SLC24A2: variants seen among roughly 807,000 people sequenced by gnomAD.
SLC24A2 encodes the protein sodium/potassium/calcium exchanger 2.
A neutral mutation model predicts 62.0 loss-of-function variants in SLC24A2; 36 were observed. The observed-to-expected ratio is 0.58, with a 90% CI of 0.44 to 0.77. The LOEUF is 0.77. Among genes scored for constraint, SLC24A2 ranks in the 30% least tolerant of loss-of-function variants. SLC24A2 has a pLI of 0.00. For synonymous variants in SLC24A2, 358 were observed against 294.0 expected, an observed-to-expected ratio of 1.22 and a Z score of -2.23; for missense variants, 846 against 817.9, an observed-to-expected ratio of 1.03 and a Z score of -0.42.
At chr9:19,996,291 C>A in the SLC24A2 span, among the ~76,000 whole-genome samples, 5 of 152,108 alleles carry the variant, frequency 3.3e-5, no homozygotes, top group African/African-American at 1.2e-4. Context: ...TTTCATAAGT[C>A]CTGGGGCATG....
At chr9:19,549,237 C>G (rs142090637) in intron 8 of SLC24A2, among the ~76,000 whole-genome samples, 2 of 152,212 alleles carry the variant, frequency 1.3e-5, no homozygotes, top group Admixed American at 1.3e-4. Flanking sequence ...CTGCTTCAGA[C>G]CTTCAGTTGC....
chr9:19,917,699 G>A, the SLC24A2 span, among the ~76,000 whole-genome samples: 30 of 151,894 alleles, frequency 2.0e-4, no homozygotes, highest in African/African-American at 6.3e-4. Context: ...CTTAACAAAC[G>A]TTTCAATTTG....
chr9:19,680,255 G>C (rs1819681984), intron 2 of SLC24A2, among the ~76,000 whole-genome samples: 1 of 152,122 alleles, frequency 6.6e-6, no homozygotes, highest in African/African-American at 2.4e-5. Flanking sequence ...CCCTTCAGCT[G>C]AGTTCTGAAG....
At chr9:20,052,838 A>G in the SLC24A2 span, among the ~76,000 whole-genome samples, 1 of 152,240 alleles carries the variant, frequency 6.6e-6, no homozygotes, top group African/African-American at 2.4e-5. Flanking sequence ...GATGTTGTTT[A>G]TTCTTAGAGA....
chr9:20,011,076 G>A, the SLC24A2 span, among the ~76,000 whole-genome samples: 24 of 152,108 alleles, frequency 1.6e-4, no homozygotes, highest in South Asian at 4.1e-4. Flanking sequence ...ACATACATGT[G>A]CATGTGTCTT....
the SLC24A2 span, among the ~76,000 whole-genome samples, chr9:20,054,883 T>G: frequency 3.9e-5 from 6 of 152,366 alleles, no homozygotes; most frequent in African/African-American, 1.4e-4. Flanking sequence ...TCCACCTTCA[T>G]AATTGCATTA....
At chr9:20,048,733 C>T in the SLC24A2 span, among the ~76,000 whole-genome samples, 240 of 151,702 alleles carry the variant, frequency 1.6e-3, no homozygotes, top group African/African-American at 5.7e-3. Flanking sequence ...TCAAGTAATT[C>T]CTTTTAGTAC....
At chr9:20,054,563 T>C in the SLC24A2 span, among the ~76,000 whole-genome samples, 1 of 152,144 alleles carries the variant, frequency 6.6e-6, no homozygotes, top group Non-Finnish European at 1.5e-5. Context: ...CAAAGTGTAG[T>C]TTTTTATACC....
At chr9:19,699,390 A>G (rs1820290820) in intron 2 of SLC24A2, among the ~76,000 whole-genome samples, 1 of 152,190 alleles carries the variant, frequency 6.6e-6, no homozygotes, top group African/African-American at 2.4e-5. Context: ...GGAAATAAAA[A>G]TTTTGTGTTT....
At chr9:20,140,735 A>G in the SLC24A2 span, among the ~76,000 whole-genome samples, 1 of 152,038 alleles carries the variant, frequency 6.6e-6, no homozygotes, top group Non-Finnish European at 1.5e-5. Context: ...GATGTTATCC[A>G]CCCACAACCC....
intron 7 of SLC24A2, 111 bp from the exon 8 acceptor site, chr9:19,550,379 G>GAACGAGTCCAGAAA: frequency 8.9e-7 from 1 of 1,126,192 alleles, no homozygotes; most frequent in Non-Finnish European, 1.3e-6. Context: ...CAGTTTTCTG[G>GAACGAGTCCAGAAA]ACTCGTTCCA....
chr9:19,526,930 A>C (rs1833471414), intron 9 of SLC24A2, among the ~76,000 whole-genome samples: 1 of 152,128 alleles, frequency 6.6e-6, no homozygotes, highest in Admixed American at 6.5e-5. Context: ...GCTTATGGTC[A>C]TACAGATTTT....
chr9:20,062,898 C>T, the SLC24A2 span, among the ~76,000 whole-genome samples: 1 of 118,110 alleles, frequency 8.5e-6, no homozygotes, highest in Non-Finnish European at 1.7e-5. Context: ...AATATGCTCA[C>T]CATCACTGGC....
At chr9:20,098,414 G>A in the SLC24A2 span, among the ~76,000 whole-genome samples, 1 of 152,194 alleles carries the variant, frequency 6.6e-6, no homozygotes, top group East Asian at 1.9e-4. Flanking sequence ...ATAGAATCAA[G>A]ATAGATACTA....
chr9:20,059,214 G>C, the SLC24A2 span, among the ~76,000 whole-genome samples: 3 of 152,146 alleles, frequency 2.0e-5, no homozygotes, highest in African/African-American at 7.2e-5. Context: ...ATTCACAAGG[G>C]TCCTCATAAG....
rs1283110407 is a variant in SLC24A2, at chr9:19,508,555, G to C, written c.*7598C>G. 1 of 152,208 alleles carries C rather than the reference G, an allele frequency of 6.6e-6. No homozygotes were observed. Among genetic ancestry groups the C allele is most frequent in the African/African-American group, 2.4e-5 (1 of 41,438 alleles). 9.4% of individuals were successfully genotyped at this position (152,208 alleles called of 1,614,324 possible). On this transcript the variant is annotated 3_prime_UTR_variant, in exon 11 of 11. Transcript: ENST00000341998. The stretch of plus-strand genomic sequence containing the variant: ...TTCCTTTAATCCCAGCACTTTGGGA[G>C]GCCAAAGCAGGAGGATCTCTTGAGC...
chr9:19,516,542 C>G (rs991757680), intron 10 of SLC24A2, 140 bp from the exon 11 acceptor site: 1 of 1,078,186 alleles, frequency 9.3e-7, no homozygotes, highest in African/African-American at 1.6e-5. Context: ...TTCACTATGA[C>G]TCGGGCATGG....
the SLC24A2 span, among the ~76,000 whole-genome samples, chr9:20,234,295 TCTC>T: frequency 6.6e-6 from 1 of 152,212 alleles, no homozygotes; most frequent in African/African-American, 2.4e-5. Context: ...TTGGGGAAGT[TCTC>T]CTGGATAATA....
At chr9:19,636,390 CCT>C (rs199847385) in intron 2 of SLC24A2, among the ~76,000 whole-genome samples, 8 of 67,028 alleles carry the variant, frequency 1.2e-4, no homozygotes, top group East Asian at 4.0e-4. Context: ...TTTCTTTCTC[CCT>C]CTCTCTCTCT....
Sources: gnomAD v4.1 joint callset for allele counts (sites outside exome capture counted in the v4.1 genomes callset) on GRCh38, gnomAD v4.1.1 for gene constraint, MANE v1.5 for transcripts, NCBI Gene and HGNC (gene_info 2026-07-23, HGNC 2026-07-21) for gene names.